Variants in RNF152 observed in about 807,000 individuals in gnomAD.
RNF152 encodes the protein ring finger protein 152.
Under a neutral mutation model 12.7 loss-of-function variants are expected in RNF152, and 11 were observed. The ratio of observed to expected loss-of-function variants is 0.86; its 90% CI spans 0.54 to 1.43. The LOEUF (loss-of-function observed/expected upper bound fraction) is 1.43. Among genes scored for constraint, RNF152 ranks in the 40% most tolerant of loss-of-function variants. RNF152 has a pLI of 0.00. For missense variants in RNF152, 255 were observed against 274.8 expected (o/e 0.93, Z 0.51); for synonymous variants, 113 against 120.3 (o/e 0.94, Z 0.40).
chr18:61,823,975 C>G (rs1384685368), intron 1 of RNF152, among the ~76,000 whole-genome samples: 1 of 152,228 alleles, frequency 6.6e-6, no homozygotes, highest in Non-Finnish European at 1.5e-5. Flanking sequence ...ACCATGGTCA[C>G]CAGAGAGGTA....
chr18:61,842,442 C>A (rs923986800), intron 1 of RNF152, among the ~76,000 whole-genome samples: 1 of 152,202 alleles, frequency 6.6e-6, no homozygotes, highest in African/African-American at 2.4e-5. Flanking sequence ...ACAAGGCTGG[C>A]AGCTGTCACA....
In RNF152 at chr18:61,812,908, C is replaced by A. The variant is rs1231503442; in HGVS notation, c.*2944G>T. The A allele has an allele frequency of 1.3e-5, 2 of 152,022 alleles. No homozygotes were observed. Among genetic ancestry groups the A allele is most frequent in the Admixed American group, 1.3e-4 (2 of 15,272 alleles). The allele number at this position is 152,022 out of a possible 1,614,324, so 9.4% of individuals were successfully genotyped here. ...GACTCAGTAAAGGGTATTCATCAAC[C>A]CTAGAAAGGATCATAGCCAGATAGA... On this transcript the variant is annotated 3_prime_UTR_variant, in exon 2 of 2. Transcript: ENST00000312828.
chr18:61,816,375 C>T lies in RNF152; in HGVS notation c.89G>A (p.Cys30Tyr). The T allele has an allele frequency of 6.2e-7, 1 of 1,614,188 alleles. No homozygotes were observed. The highest frequency in any genetic ancestry group is 2.2e-5 in the East Asian group (1 of 44,872). ...GCACACTGAACAGCAGGTGTGCTTG[C>T]AGTCCAGCAACTTGGGCCTGCGCCG... ...SPRRRPKLLD[C>Y]KHTCCSVCLQ... Residue 30 changes from cysteine to tyrosine, a missense_variant, in exon 2 of 2, where the codon TGC becomes TAC. Transcript: ENST00000312828.
intron 1 of RNF152, among the ~76,000 whole-genome samples, chr18:61,827,154 C>A (rs573518796): frequency 6.6e-6 from 1 of 152,202 alleles, no homozygotes; most frequent in South Asian, 2.1e-4. Context: ...ATAGTCTGAA[C>A]TTTGGCCATA....
At chr18:61,834,985 C>G (rs1260977180) in intron 1 of RNF152, among the ~76,000 whole-genome samples, 1 of 152,134 alleles carries the variant, frequency 6.6e-6, no homozygotes, top group Non-Finnish European at 1.5e-5. Flanking sequence ...ATTCCAATGT[C>G]AATTGAGGGT....
intron 1 of RNF152, among the ~76,000 whole-genome samples, chr18:61,849,046 C>A (rs774890612): frequency 6.6e-6 from 1 of 152,110 alleles, no homozygotes; most frequent in Non-Finnish European, 1.5e-5. Context: ...CCTACTTTCC[C>A]GTCATTGTCA....
intron 1 of RNF152, among the ~76,000 whole-genome samples, chr18:61,857,417 C>T (rs1911276321): frequency 1.3e-5 from 2 of 152,132 alleles, no homozygotes; most frequent in Admixed American, 1.3e-4. Context: ...CTTGGAACTG[C>T]TTTAGAACCT....
At chr18:61,850,352 C>A (rs1599294636) in intron 1 of RNF152, among the ~76,000 whole-genome samples, 1 of 152,366 alleles carries the variant, frequency 6.6e-6, no homozygotes, top group East Asian at 1.9e-4. Context: ...CTATCATTAT[C>A]ACTATTACAG....
intron 1 of RNF152, among the ~76,000 whole-genome samples, chr18:61,857,765 C>T (rs1911291832): frequency 6.6e-6 from 1 of 152,184 alleles, no homozygotes; most frequent in Non-Finnish European, 1.5e-5. Context: ...GGATAATAGC[C>T]TATCACAAAA....
chr18:61,818,439 A>C (rs1431724366), intron 1 of RNF152, among the ~76,000 whole-genome samples: 2 of 152,108 alleles, frequency 1.3e-5, no homozygotes, highest in African/African-American at 4.8e-5. Flanking sequence ...AAAAAAAAAC[A>C]AAAAACAAAA....
intron 1 of RNF152, among the ~76,000 whole-genome samples, chr18:61,844,977 T>C (rs193222909): frequency 2.6e-5 from 4 of 152,326 alleles, no homozygotes; most frequent in Admixed American, 2.6e-4. Flanking sequence ...CCATTCCTCC[T>C]GAGGGCCATA....
In RNF152 at chr18:61,816,470, C is replaced by T. The variant is rs1191749337; in HGVS notation, c.-7G>A. 1 of 1,588,898 alleles carries T rather than the reference C, an allele frequency of 6.3e-7. No individual in the cohort carries two copies. The highest frequency in any genetic ancestry group is 8.6e-7 in the Non-Finnish European group (1 of 1,162,764). ...CCTGGGACAGCGTCTCCATGGTGGA[C>T]CGTGAGCAGGAAGGGCAAGGCCAAG... On this transcript the variant is annotated 5_prime_UTR_variant, in exon 2 of 2. Coordinates refer to ENST00000312828, the MANE Select transcript of RNF152 (RefSeq NM_173557.3).
At chr18:61,828,957 G>GC (rs1019213002) in intron 1 of RNF152, among the ~76,000 whole-genome samples, 33 of 152,220 alleles carry the variant, frequency 2.2e-4, no homozygotes, top group African/African-American at 7.7e-4. Flanking sequence ...TCTGTCTGGG[G>GC]CATCCAGGAA....
At chr18:61,870,469 A>T (rs1048681174) in intron 1 of RNF152, among the ~76,000 whole-genome samples, 1 of 151,950 alleles carries the variant, frequency 6.6e-6, no homozygotes, top group Non-Finnish European at 1.5e-5. Context: ...CTGTCACCTT[A>T]CCTACTAGCT....
chr18:61,844,049 AAAAGAAAG>A (rs1358251225), intron 1 of RNF152, among the ~76,000 whole-genome samples: 5 of 129,274 alleles, frequency 3.9e-5, no homozygotes, highest in African/African-American at 1.3e-4. Flanking sequence ...AGAAAAAGAA[AAAAGAAAG>A]AGAGAAAGAC....
intron 1 of RNF152, among the ~76,000 whole-genome samples, chr18:61,819,959 T>A (rs1909300872): frequency 6.8e-6 from 1 of 146,950 alleles, no homozygotes; most frequent in African/African-American, 2.5e-5. Context: ...AGGCGGAGAT[T>A]GCAGTGAGGC....
chr18:61,865,153 A>G (rs1025219738), intron 1 of RNF152, among the ~76,000 whole-genome samples: 6 of 152,204 alleles, frequency 3.9e-5, no homozygotes, highest in East Asian at 3.9e-4. Flanking sequence ...ATTTCTTATT[A>G]TATCACAATA....
rs1044329636 is a variant in RNF152, at chr18:61,814,696, C to T, written c.*1156G>A. The T allele has an allele frequency of 2.0e-5, 3 of 152,224 alleles. No individual in the cohort carries two copies. Among genetic ancestry groups the T allele is most frequent in the African/African-American group, 4.8e-5 (2 of 41,436 alleles). The allele number at this position is 152,224 out of a possible 1,614,324, so 9.4% of individuals were successfully genotyped here. Reference sequence around the variant, plus strand: ...GAAACAGGAATTCTAACTGGCTTAACTCTTGTGGAAGAGCATCTTTCAAAA... The same window carrying T: ...GAAACAGGAATTCTAACTGGCTTAATTCTTGTGGAAGAGCATCTTTCAAAA... On this transcript the variant is annotated 3_prime_UTR_variant, in exon 2 of 2. Coordinates refer to ENST00000312828, the MANE Select transcript of RNF152 (RefSeq NM_173557.3).
intron 1 of RNF152, chr18:61,888,872 T>C (rs1912816290): frequency 6.6e-6 from 1 of 152,174 alleles, no homozygotes; most frequent in South Asian, 2.1e-4. Context: ...AGAAACCACT[T>C]TCATGCCACA....
Sources: gnomAD v4.1 joint callset for allele counts (sites outside exome capture counted in the v4.1 genomes callset) on GRCh38, gnomAD v4.1.1 for gene constraint, MANE v1.5 for transcripts, NCBI Gene and HGNC (gene_info 2026-07-23, HGNC 2026-07-21) for gene names.